SERPINB7: variants seen among roughly 807,000 people sequenced by gnomAD.
SERPINB7 encodes serpin family B member 7.
In SERPINB7, 31 loss-of-function variants were observed where a neutral mutation model predicts 37.4. The ratio of observed to expected loss-of-function variants is 0.83; its 90% CI spans 0.62 to 1.12. The LOEUF is 1.12. SERPINB7 is among the 50% of genes most tolerant of loss of function. The pLI is 0.00. For missense variants in SERPINB7, 521 were observed against 455.3 expected (o/e 1.14, Z -1.31); for synonymous variants, 163 against 166.1 (o/e 0.98, Z 0.14).
At chr18:63,774,248 T>A (rs146231465), upstream of SERPINB7, among the ~76,000 whole-genome samples, 2 of 152,242 alleles carry the variant, frequency 1.3e-5, no homozygotes, top group East Asian at 3.9e-4. Flanking sequence ...TTATTCGATT[T>A]TGGATAAGTT....
intron 2 of SERPINB7, among the ~76,000 whole-genome samples, chr18:63,785,762 G>GATCT (rs2049358071): frequency 6.6e-6 from 1 of 150,972 alleles, no homozygotes; most frequent in South Asian, 2.1e-4. Flanking sequence ...TTTTCATTTA[G>GATCT]ATCTAATAAT....
intron 1 of SERPINB7, chr18:63,778,268 T>C (rs1320194883): frequency 6.6e-6 from 1 of 152,122 alleles, no homozygotes. Context: ...TGATTAGAGG[T>C]TGATCAAAAT....
intron 4 of SERPINB7, 144 bp downstream of exon 4, chr18:63,793,421 A>G (rs1185892750): frequency 4.5e-6 from 2 of 446,910 alleles, no homozygotes. Context: ...TCTTGAATAT[A>G]TCATCACCAT....
At chr18:63,773,740 C>T (rs977974898), upstream of SERPINB7, among the ~76,000 whole-genome samples, 8 of 152,252 alleles carry the variant, frequency 5.3e-5, no homozygotes, top group South Asian at 2.1e-4. Context: ...TAATGTAACA[C>T]GCCAGTCCAC....
chr18:63,774,161 C>T (rs1422284876), upstream of SERPINB7, among the ~76,000 whole-genome samples: 1 of 151,918 alleles, frequency 6.6e-6, no homozygotes, highest in Non-Finnish European at 1.5e-5. Flanking sequence ...AATTAAATTT[C>T]AGGGATTTTC....
chr18:63,755,972 G>C (rs1428546223), intron 1 of SERPINB7, among the ~76,000 whole-genome samples: 1 of 151,894 alleles, frequency 6.6e-6, no homozygotes, highest in East Asian at 1.9e-4. Flanking sequence ...CTTATATAAG[G>C]TCATTACAGT....
chr18:63,797,530 C>T (rs927857011), intron 5 of SERPINB7, among the ~76,000 whole-genome samples: 2 of 152,060 alleles, frequency 1.3e-5, no homozygotes, highest in African/African-American at 4.8e-5. Flanking sequence ...TTATTTATTT[C>T]TCTTCCTTTC....
intron 1 of SERPINB7, among the ~76,000 whole-genome samples, chr18:63,762,664 G>A (rs1420668751): frequency 6.6e-6 from 1 of 152,172 alleles, no homozygotes; most frequent in Non-Finnish European, 1.5e-5. Flanking sequence ...ACTAACAAGA[G>A]TTAGAAGGCC....
intron 1 of SERPINB7, among the ~76,000 whole-genome samples, chr18:63,765,397 C>G (rs1255451568): frequency 6.6e-6 from 1 of 152,104 alleles, no homozygotes; most frequent in Non-Finnish European, 1.5e-5. Flanking sequence ...CTGGCCTAGT[C>G]TGTTCAAATA....
Position 63,800,973 on chromosome 18 carries a change from A to G in SERPINB7, c.705A>G (p.Ile235Met). 1 of 1,613,964 alleles carries G rather than the reference A, an allele frequency of 6.2e-7. No homozygotes were observed. Among genetic ancestry groups the G allele is most frequent in the Non-Finnish European group, 8.5e-7 (1 of 1,179,840 alleles). Residue 235 changes from isoleucine to methionine, a missense_variant, in exon 7 of 8, where the codon ATA (isoleucine) becomes ATG (methionine). Physicochemically the swap from Ile to Met is conservative, Grantham distance 10. Transcript: ENST00000398019. ...KILELRYNGG[I>M]NMYVLLPEND... The stretch of plus-strand genomic sequence containing the variant: ...TTGAGCTCAGATACAATGGTGGCAT[A>G]AACATGTACGTTCTGCTGCCTGAGA...
At chr18:63,766,193 C>T (rs1204041135) in intron 1 of SERPINB7, among the ~76,000 whole-genome samples, 1 of 142,938 alleles carries the variant, frequency 7.0e-6, no homozygotes, top group Non-Finnish European at 1.5e-5. Flanking sequence ...ACACATGTTC[C>T]TCCCCATCTG....
chr18:63,799,221 C>T (rs185692570), intron 6 of SERPINB7, among the ~76,000 whole-genome samples: 8 of 152,214 alleles, frequency 5.3e-5, no homozygotes, highest in African/African-American at 1.7e-4. Flanking sequence ...ATATGTATTT[C>T]TTCATTTAGT....
chr18:63,801,200 T>C (rs187666759), intron 7 of SERPINB7, among the ~76,000 whole-genome samples, 188 bp downstream of exon 7: 16 of 152,208 alleles, frequency 1.1e-4, no homozygotes, highest in African/African-American at 3.9e-4. Flanking sequence ...GTTGCTGAGA[T>C]TGACTTAACT....
chr18:63,772,233 C>A (rs1251974545), upstream of SERPINB7, among the ~76,000 whole-genome samples: 2 of 148,356 alleles, frequency 1.3e-5, no homozygotes, highest in Non-Finnish European at 2.9e-5. Context: ...AGCTTACTAT[C>A]TATCTATCTA....
chr18:63,768,120 T>C (rs2049190573), intron 1 of SERPINB7, among the ~76,000 whole-genome samples: 1 of 152,094 alleles, frequency 6.6e-6, no homozygotes, highest in South Asian at 2.1e-4. Context: ...AATTATCTTT[T>C]GGATTAATTG....
intron 1 of SERPINB7, among the ~76,000 whole-genome samples, chr18:63,756,803 CTTGT>C (rs750493505): frequency 7.7e-5 from 3 of 38,974 alleles, no homozygotes; most frequent in African/African-American, 2.0e-4. Flanking sequence ...CTTGGGGTAG[CTTGT>C]GTGTGTGTGT....
intron 1 of SERPINB7, among the ~76,000 whole-genome samples, chr18:63,779,847 T>C (rs2049284806): frequency 6.6e-6 from 1 of 152,124 alleles, no homozygotes; most frequent in South Asian, 2.1e-4. Context: ...AAGAATACTA[T>C]TCAAAAGTAT....
chr18:63,783,207 AGAGAGAGAGAGAGAGAG>A (rs2049322643), intron 2 of SERPINB7, among the ~76,000 whole-genome samples: 6 of 87,636 alleles, frequency 6.8e-5, no homozygotes, highest in African/African-American at 2.8e-4. Context: ...AGAGAGAGAG[AGAGAGAGAGAGAGAGAG>A]AGAGAGAGAG....
At chr18:63,796,470 A>G in intron 5 of SERPINB7, 87 bp downstream of exon 5, 2 of 710,188 alleles carry the variant, frequency 2.8e-6, no homozygotes. Flanking sequence ...TTTTGTACAT[A>G]CAAGGAACAG....
Sources: allele counts gnomAD v4.1 joint callset (sites outside exome capture counted in the v4.1 genomes callset), GRCh38; gene constraint gnomAD v4.1.1; transcripts MANE v1.5; gene names NCBI Gene and HGNC (gene_info 2026-07-23, HGNC 2026-07-21).